The following TTC6 variants were observed in gnomAD, a reference collection of about 807,000 sequenced individuals.
The protein encoded by TTC6 is tetratricopeptide repeat protein 6.
TTC6 carries 172 observed loss-of-function variants against 210.4 expected under a neutral mutation model. The observed-to-expected ratio is 0.82, with a 90% CI of 0.72 to 0.93. The LOEUF (loss-of-function observed/expected upper bound fraction) is 0.93. Ranked by LOEUF, TTC6 falls within the 40% of genes least tolerant of loss-of-function variation. The pLI is 0.00. For missense variants in TTC6, 2,414 were observed against 2,318.1 expected (o/e 1.04, Z -0.85); for synonymous variants, 804 against 819.6 (o/e 0.98, Z 0.32).
In TTC6 at chr14:37,739,587, A is replaced by AAAG. The variant is rs1555393322; in HGVS notation, c.2363+434_2363+435insGAA. 2.2e-3 allele frequency among the ~76,000 whole-genome samples: 305 copies of AAAG among 136,730 alleles called. 3 individuals carry two copies. The highest frequency in any genetic ancestry group is 7.4e-3 in the African/African-American group (276 of 37,502). The allele number at this position is 136,730 out of a possible 152,430, so 89.7% of individuals were successfully genotyped here. ...CCATCTTAAAAAAAAAAAAAAAAAAAAAAGAAAGACAAACCCTCATTTAAA... is the reference window on the plus strand; with the variant it reads ...CCATCTTAAAAAAAAAAAAAAAAAAAAAGAAAGAAAGACAAACCCTCATTTAAA... On this transcript the variant is annotated intron_variant, in intron 10 of 30. Coordinates refer to ENST00000553443, the Ensembl canonical transcript of TTC6.
chr14:37,607,908 A>G (rs2095628023), intron 2 of TTC6, among the ~76,000 whole-genome samples: 2 of 152,226 alleles, frequency 1.3e-5, no homozygotes, highest in Non-Finnish European at 2.9e-5. Context: ...TCAGAAATCT[A>G]TAAGTAATCC....
intron 1 of TTC6, among the ~76,000 whole-genome samples, chr14:37,675,720 C>T (rs2095767633): frequency 6.6e-6 from 1 of 151,478 alleles, no homozygotes; most frequent in African/African-American, 2.4e-5. Flanking sequence ...TTCTCTGCAT[C>T]CTAGTCAAGT....
intron 1 of TTC6, among the ~76,000 whole-genome samples, chr14:37,603,119 C>G (rs565264178): frequency 6.6e-6 from 1 of 152,272 alleles, no homozygotes; most frequent in African/African-American, 2.4e-5. Context: ...AGAGAAGAAG[C>G]GAAGACTGCA....
At chr14:37,728,849 C>T (rs1401148022) in intron 7 of TTC6, among the ~76,000 whole-genome samples, 5 of 152,114 alleles carry the variant, frequency 3.3e-5, no homozygotes, top group Non-Finnish European at 7.4e-5. Flanking sequence ...AGTAAAAATT[C>T]AAACAATAAA....
chr14:37,645,384 T>G (rs1176277638), intron 1 of TTC6, among the ~76,000 whole-genome samples: 1 of 152,208 alleles, frequency 6.6e-6, no homozygotes, highest in Non-Finnish European at 1.5e-5. Flanking sequence ...GCCTGTTATA[T>G]CTGGCGCTGT....
At chr14:37,669,082 A>T (rs750376475) in intron 1 of TTC6, among the ~76,000 whole-genome samples, 1 of 152,208 alleles carries the variant, frequency 6.6e-6, no homozygotes, top group Non-Finnish European at 1.5e-5. Flanking sequence ...CTGCCCAAAG[A>T]TTGTCTTTCT....
At chr14:37,632,635 G>A (rs975117294) in intron 1 of TTC6, among the ~76,000 whole-genome samples, 2 of 152,224 alleles carry the variant, frequency 1.3e-5, no homozygotes, top group African/African-American at 4.8e-5. Context: ...CCTTAGCAGA[G>A]CTCTTGTGCT....
intron 1 of TTC6, among the ~76,000 whole-genome samples, chr14:37,645,691 G>A (rs540300151): frequency 6.6e-6 from 1 of 152,244 alleles, no homozygotes; most frequent in African/African-American, 2.4e-5. Flanking sequence ...ATAGTGCAAG[G>A]CTCCAAGGTA....
chr14:37,629,741 G>T (rs2095666207), intron 1 of TTC6, among the ~76,000 whole-genome samples: 1 of 152,110 alleles, frequency 6.6e-6, no homozygotes, highest in South Asian at 2.1e-4. Flanking sequence ...TTGGCTTTGG[G>T]CTTGTCATAA....
intron 14 of TTC6, among the ~76,000 whole-genome samples, chr14:37,754,280 C>T (rs1425421012): frequency 1.3e-5 from 2 of 151,968 alleles, no homozygotes; most frequent in Non-Finnish European, 2.9e-5. Context: ...ATGTTCCCCT[C>T]CCTGTGTCCA....
chr14:37,663,949 A>C (rs2095742690), intron 1 of TTC6, among the ~76,000 whole-genome samples: 1 of 140,596 alleles, frequency 7.1e-6, no homozygotes, highest in Non-Finnish European at 1.7e-5. Flanking sequence ...TAATAAGGGA[A>C]GTGAAGGACC....
chr14:37,708,243 T>A lies in TTC6; in HGVS notation c.1572-6412T>A, dbSNP rs142616774. On this transcript the variant is annotated intron_variant, in intron 5 of 30. Coordinates refer to ENST00000553443, the Ensembl canonical transcript of TTC6. Reference sequence around the variant, plus strand: ...TTTGACTTACTGTCTCTACTAATGATAGCTTACAAATCAAATGTATAAGGA... The same window carrying A: ...TTTGACTTACTGTCTCTACTAATGAAAGCTTACAAATCAAATGTATAAGGA... Among the ~76,000 whole-genome samples, 790 of 152,120 alleles carry A rather than the reference T, an allele frequency of 5.2e-3. 8 individuals carry two copies. Among genetic ancestry groups the A allele is most frequent in the African/African-American group, 0.018 (752 of 41,546 alleles).
chr14:37,724,576 G>A (rs2095867975), intron 6 of TTC6, among the ~76,000 whole-genome samples: 1 of 152,016 alleles, frequency 6.6e-6, no homozygotes, highest in African/African-American at 2.4e-5. Flanking sequence ...CCCCATGCAT[G>A]TGTGCAAGAA....
chr14:37,836,314 C>T (rs1233851628), intron 29 of TTC6, among the ~76,000 whole-genome samples: 1 of 152,164 alleles, frequency 6.6e-6, no homozygotes, highest in Non-Finnish European at 1.5e-5. Flanking sequence ...CTTAACCAAA[C>T]TCAGATCACT....
At chr14:37,630,527 G>A (rs545170023) in intron 1 of TTC6, among the ~76,000 whole-genome samples, 10 of 152,156 alleles carry the variant, frequency 6.6e-5, no homozygotes, top group Admixed American at 2.6e-4. Context: ...GAATAAGTGC[G>A]ATGTGATGCT....
intron 20 of TTC6, among the ~76,000 whole-genome samples, chr14:37,802,924 G>T (rs527359871): frequency 4.6e-5 from 7 of 151,932 alleles, no homozygotes; most frequent in Non-Finnish European, 8.8e-5. Context: ...GTAGAGATGG[G>T]GTTTCACCAT....
At chr14:37,832,643 A>T (rs1160991047) in intron 29 of TTC6, among the ~76,000 whole-genome samples, 2 of 151,694 alleles carry the variant, frequency 1.3e-5, no homozygotes, top group Non-Finnish European at 2.9e-5. Flanking sequence ...CTTGTTGTTG[A>T]TGTTTTATTC....
intron 1 of TTC6, among the ~76,000 whole-genome samples, chr14:37,643,061 A>T (rs2095695055): frequency 6.6e-6 from 1 of 152,044 alleles, no homozygotes; most frequent in South Asian, 2.1e-4. Context: ...TAATCCCAGC[A>T]CTTTGGGAGG....
intron 14 of TTC6, among the ~76,000 whole-genome samples, chr14:37,757,550 G>A (rs925401558): frequency 1.3e-5 from 2 of 152,130 alleles, no homozygotes; most frequent in Non-Finnish European, 2.9e-5. Context: ...TGGGATTACA[G>A]GCATGAGCCA....
Sources: allele counts gnomAD v4.1 joint callset (sites outside exome capture counted in the v4.1 genomes callset), GRCh38; gene constraint gnomAD v4.1.1; transcripts MANE v1.5; gene names NCBI Gene and HGNC (gene_info 2026-07-23, HGNC 2026-07-21).